Variants in KIF6 observed in about 807,000 individuals in gnomAD.
KIF6 encodes the protein kinesin family member 6, also known as kinesin-like protein KIF6.
KIF6 carries 106 observed loss-of-function variants against 112.7 expected under a neutral mutation model. That is an observed-to-expected ratio of 0.94 (90% CI 0.80 to 1.11). The LOEUF (loss-of-function observed/expected upper bound fraction) is 1.11. Ranked by LOEUF, KIF6 falls within the 50% of genes least tolerant of loss-of-function variation. The pLI is 0.00. For missense variants in KIF6, 929 were observed against 964.0 expected, an observed-to-expected ratio of 0.96 and a Z score of 0.48; for synonymous variants, 339 against 339.9, an observed-to-expected ratio of 1.00 and a Z score of 0.03.
At position 39,332,294 on chromosome 6, in the gene KIF6, T is replaced by G. The variant is rs1340319500; in HGVS notation, c.*4238A>C. ...TCTCCTCTCATGGCCCATATTTTCC[T>G]GCTTCTTTGCATGCCTGATTATTTT... On this transcript the variant is annotated 3_prime_UTR_variant, in exon 23 of 23. Transcript: ENST00000287152. 1 of 152,210 alleles carries G rather than the reference T, an allele frequency of 6.6e-6. No individual in the cohort carries two copies. Among genetic ancestry groups the G allele is most frequent in the Admixed American group, 6.5e-5 (1 of 15,282 alleles). 9.4% of individuals were successfully genotyped at this position (152,210 alleles called of 1,614,324 possible).
intron 10 of KIF6, among the ~76,000 whole-genome samples, chr6:39,576,642 G>A (rs972132654): frequency 5.9e-5 from 9 of 152,142 alleles, no homozygotes; most frequent in African/African-American, 2.2e-4. Context: ...TGCAGCGGCT[G>A]TCACACAGCA....
At chr6:39,448,682 G>T (rs1395973195) in intron 13 of KIF6, among the ~76,000 whole-genome samples, 2 of 152,044 alleles carry the variant, frequency 1.3e-5, no homozygotes, top group Non-Finnish European at 2.9e-5. Flanking sequence ...TTCAGATATT[G>T]TTTAGCTCTG....
intron 13 of KIF6, among the ~76,000 whole-genome samples, chr6:39,498,519 G>A (rs979524961): frequency 6.6e-6 from 1 of 152,168 alleles, no homozygotes; most frequent in Non-Finnish European, 1.5e-5. Context: ...TTTGTGAAGG[G>A]CAGGATAGTA....
intron 13 of KIF6, among the ~76,000 whole-genome samples, chr6:39,434,290 G>A (rs1409826041): frequency 2.0e-5 from 3 of 151,992 alleles, no homozygotes; most frequent in African/African-American, 7.2e-5. Flanking sequence ...ATGGCAGGGC[G>A]CAATGGCTCA....
intron 13 of KIF6, among the ~76,000 whole-genome samples, chr6:39,447,192 C>T (rs538863961): frequency 6.6e-6 from 1 of 152,294 alleles, no homozygotes; most frequent in African/African-American, 2.4e-5. Context: ...CAGGCTCATT[C>T]CACAGTAACA....
chr6:39,538,211 C>G (rs570168047), intron 13 of KIF6, among the ~76,000 whole-genome samples: 1 of 151,518 alleles, frequency 6.6e-6, no homozygotes, highest in African/African-American at 2.4e-5. Flanking sequence ...CCAAAATTGA[C>G]AAATGGGATC....
At chr6:39,521,935 A>G (rs548755452) in intron 13 of KIF6, among the ~76,000 whole-genome samples, 2 of 152,182 alleles carry the variant, frequency 1.3e-5, no homozygotes, top group South Asian at 4.2e-4. Context: ...CATCCCATAT[A>G]TTATTCTCTG....
chr6:39,404,242 C>T (rs558168739), intron 15 of KIF6, among the ~76,000 whole-genome samples: 5 of 151,866 alleles, frequency 3.3e-5, no homozygotes, highest in South Asian at 2.1e-4. Context: ...GAACATGTTG[C>T]GAAACCCCAG....
intron 3 of KIF6, among the ~76,000 whole-genome samples, chr6:39,646,699 T>C (rs1785187900): frequency 6.6e-6 from 1 of 152,204 alleles, no homozygotes; most frequent in Admixed American, 6.5e-5. Context: ...TAAGGACAAA[T>C]TTTTTAAGCT....
At chr6:39,482,006 G>GCACACACACACACACACACA (rs143093562) in intron 13 of KIF6, among the ~76,000 whole-genome samples, 1 of 141,134 alleles carries the variant, frequency 7.1e-6, no homozygotes, top group East Asian at 2.1e-4. Flanking sequence ...GGACCTTTAG[G>GCACACACACACACACACACA]CACACACACA....
At chr6:39,555,430 A>G (rs1582125206) in intron 10 of KIF6, among the ~76,000 whole-genome samples, 1 of 151,544 alleles carries the variant, frequency 6.6e-6, no homozygotes, top group African/African-American at 2.4e-5. Context: ...CTCCTCCTGG[A>G]CCTCTTGTGT....
chr6:39,616,511 C>CTTT (rs1783530719), intron 5 of KIF6, among the ~76,000 whole-genome samples: 1 of 152,134 alleles, frequency 6.6e-6, no homozygotes, highest in Admixed American at 6.5e-5. Context: ...TGTGGGCACG[C>CTTT]TATAAAAGGG....
chr6:39,361,261 A>G (rs1765114521), intron 17 of KIF6, among the ~76,000 whole-genome samples: 2 of 152,130 alleles, frequency 1.3e-5, no homozygotes, highest in Non-Finnish European at 2.9e-5. Flanking sequence ...TAGAGACACA[A>G]GAAGAATGGG....
chr6:39,506,594 G>A (rs9380872), intron 13 of KIF6, among the ~76,000 whole-genome samples: 6,416 of 152,106 alleles, frequency 0.042, 273 homozygotes, highest in East Asian at 0.25. Context: ...TAAAACCCTC[G>A]GAATTTCCTG....
intron 13 of KIF6, among the ~76,000 whole-genome samples, chr6:39,475,742 C>T (rs1226018887): frequency 1.3e-5 from 2 of 152,134 alleles, no homozygotes; most frequent in East Asian, 1.9e-4. Context: ...CTCTAAGCAG[C>T]GAGAGGCGCC....
chr6:39,508,582 C>G (rs1262647296), intron 13 of KIF6, among the ~76,000 whole-genome samples: 2 of 152,060 alleles, frequency 1.3e-5, no homozygotes, highest in African/African-American at 4.8e-5. Context: ...CTCGGTGGGT[C>G]CCATGCCCAC....
At chr6:39,423,024 G>A (rs1009779152) in intron 14 of KIF6, among the ~76,000 whole-genome samples, 3 of 152,204 alleles carry the variant, frequency 2.0e-5, no homozygotes, top group African/African-American at 4.8e-5. Context: ...ACTGATGAGC[G>A]CCCGAGGGTT....
intron 5 of KIF6, among the ~76,000 whole-genome samples, chr6:39,616,361 C>A (rs542596712): frequency 6.6e-6 from 1 of 152,334 alleles, no homozygotes; most frequent in South Asian, 2.1e-4. Context: ...TCTCGGCTAT[C>A]TTTTGTAACA....
rs1762790438 is a variant in KIF6, at chr6:39,332,801, C to CTT, written c.*3730_*3731insAA. 1 of 151,872 alleles carries CTT rather than the reference C, an allele frequency of 6.6e-6. No homozygotes were observed. The highest frequency in any genetic ancestry group is 1.5e-5 in the Non-Finnish European group (1 of 67,964). The allele number at this position is 151,872 out of a possible 1,614,324, so 9.4% of individuals were successfully genotyped here. A position where few individuals can be genotyped will look rare whatever the true frequency, so the allele number is the denominator to read the frequency against. ...TCTCTTTCTCTCTCTTTTTTCTCCTCTCTCTCTCCTTCTCTCTCTCTCATC... is the reference window on the plus strand; with the variant it reads ...TCTCTTTCTCTCTCTTTTTTCTCCTCTTTCTCTCTCCTTCTCTCTCTCTCATC... On this transcript the variant is annotated 3_prime_UTR_variant, in exon 23 of 23. Transcript: ENST00000287152.
Sources: gnomAD v4.1 joint callset for allele counts (sites outside exome capture counted in the v4.1 genomes callset) on GRCh38, gnomAD v4.1.1 for gene constraint, MANE v1.5 for transcripts, NCBI Gene and HGNC (gene_info 2026-07-23, HGNC 2026-07-21) for gene names.